The following CDC73 variants were observed in gnomAD, a reference collection of about 807,000 sequenced individuals.
CDC73 encodes cell division cycle 73, also known as parafibromin.
In CDC73, 21 loss-of-function variants were observed where a neutral mutation model predicts 83.7. The ratio of observed to expected loss-of-function variants is 0.25; its 90% CI spans 0.18 to 0.36. CDC73 has a LOEUF of 0.36. CDC73 is among the 10% of genes least tolerant of loss of function. The pLI, the probability that CDC73 is intolerant of heterozygous loss-of-function variation, is 1.00. For missense variants in CDC73, 342 were observed against 653.3 expected (o/e 0.52, Z 5.19); for synonymous variants, 224 against 212.9 (o/e 1.05, Z -0.45).
intron 15 of CDC73, among the ~76,000 whole-genome samples, chr1:193,242,896 C>T (rs1677886561): frequency 6.6e-6 from 1 of 151,710 alleles, no homozygotes; most frequent in Admixed American, 6.6e-5. Flanking sequence ...ATTCATTGTG[C>T]TGCGGTAAAA....
intron 10 of CDC73, among the ~76,000 whole-genome samples, chr1:193,177,898 G>A (rs937241695): frequency 6.6e-6 from 1 of 152,132 alleles, no homozygotes; most frequent in Non-Finnish European, 1.5e-5. Flanking sequence ...AAATAAATAA[G>A]TATTCTAAGT....
intron 10 of CDC73, among the ~76,000 whole-genome samples, chr1:193,173,012 TC>T (rs1350785106): frequency 2.0e-5 from 3 of 152,302 alleles, no homozygotes; most frequent in Admixed American, 1.3e-4. Context: ...CTTGCAGTCT[TC>T]CTGAGCACAG....
chr1:193,163,366 G>A (rs1023006216), intron 10 of CDC73, among the ~76,000 whole-genome samples: 2 of 151,894 alleles, frequency 1.3e-5, no homozygotes, highest in Admixed American at 6.6e-5. Flanking sequence ...AATTAGCCGA[G>A]CGTAGTGGTA....
At chr1:193,148,457 C>T (rs894937390) in intron 8 of CDC73, among the ~76,000 whole-genome samples, 2 of 151,858 alleles carry the variant, frequency 1.3e-5, no homozygotes, top group African/African-American at 4.8e-5. Flanking sequence ...CACTTAAGAC[C>T]CTCCCAAAGT....
intron 10 of CDC73, among the ~76,000 whole-genome samples, chr1:193,159,230 T>C (rs1676265329): frequency 6.6e-6 from 1 of 152,210 alleles, no homozygotes; most frequent in African/African-American, 2.4e-5. Context: ...TTGGCCTGTT[T>C]GTTACAGCAA....
intron 13 of CDC73, among the ~76,000 whole-genome samples, chr1:193,214,575 C>T (rs541907380): frequency 2.0e-5 from 3 of 152,072 alleles, no homozygotes; most frequent in South Asian, 2.1e-4. Context: ...AAAAATTAGC[C>T]GGGCATGGTG....
chr1:193,166,670 A>T (rs1676440155), intron 10 of CDC73, among the ~76,000 whole-genome samples: 1 of 146,022 alleles, frequency 6.8e-6, no homozygotes, highest in African/African-American at 2.5e-5. Flanking sequence ...TTTTTTTGAG[A>T]CCGAGTTTTG....
Position 193,123,519 on chromosome 1 carries a change from G to A in CDC73, c.131+1188G>A, listed in dbSNP as rs75522875. 1.3e-3 allele frequency among the ~76,000 whole-genome samples: 196 copies of A among 152,284 alleles called. 4 individuals carry two copies. In the East Asian group the frequency reaches 0.035, roughly 27 times the overall value. ...TTGGATTACAGGCGTGAGCCACGGC[G>A]CCCTGCCTATTGGTTGGTTTTAAAA... On this transcript the variant is annotated intron_variant, in intron 1 of 16. Coordinates refer to ENST00000367435, the MANE Select transcript of CDC73 (RefSeq NM_024529.5).
chr1:193,122,667 A>G, intron 1 of CDC73: 1 of 248,848 alleles, frequency 4.0e-6, no homozygotes, highest in Non-Finnish European at 8.0e-6. Flanking sequence ...TAGGTGCACA[A>G]AGGAGCACAC....
chr1:193,207,772 A>G (rs760301383), intron 11 of CDC73, among the ~76,000 whole-genome samples: 13 of 152,182 alleles, frequency 8.5e-5, no homozygotes, highest in African/African-American at 1.7e-4. Context: ...TTTACAATCA[A>G]TTTGTACAAT....
At chr1:193,215,258 A>G (rs1294208502) in intron 13 of CDC73, among the ~76,000 whole-genome samples, 3 of 152,232 alleles carry the variant, frequency 2.0e-5, no homozygotes, top group Non-Finnish European at 4.4e-5. Flanking sequence ...GATTTTTCAT[A>G]GTATATAAAC....
intron 15 of CDC73, among the ~76,000 whole-genome samples, chr1:193,244,070 A>G (rs1296264720): frequency 2.0e-5 from 3 of 152,206 alleles, no homozygotes; most frequent in Admixed American, 1.3e-4. Flanking sequence ...AATTGGGGGG[A>G]AAAAGCTTAA....
intron 10 of CDC73, among the ~76,000 whole-genome samples, chr1:193,173,145 G>C (rs2103151437): frequency 6.6e-6 from 1 of 152,296 alleles, no homozygotes; most frequent in African/African-American, 2.4e-5. Flanking sequence ...TCTGCAGGTT[G>C]TGCTTTTTTG....
At chr1:193,220,669 T>C (rs547289913) in intron 13 of CDC73, among the ~76,000 whole-genome samples, 2 of 152,254 alleles carry the variant, frequency 1.3e-5, no homozygotes, top group South Asian at 4.1e-4. Context: ...TTTTAAAAAA[T>C]TTTTAGTACT....
intron 10 of CDC73, among the ~76,000 whole-genome samples, chr1:193,184,744 T>G (rs1357774990): frequency 1.3e-5 from 2 of 151,956 alleles, no homozygotes; most frequent in African/African-American, 4.8e-5. Context: ...CAACCATATT[T>G]TTTAGTACTA....
chr1:193,253,600 C>G lies in CDC73; in HGVS notation c.*2888C>G, dbSNP rs901293519. The G allele has an allele frequency of 3.9e-5, 9 of 230,738 alleles. No individual in the cohort carries two copies. Among genetic ancestry groups the G allele is most frequent in the African/African-American group, 2.0e-4 (9 of 44,988 alleles). The allele number at this position is 230,738 out of a possible 1,614,324, so 14.3% of individuals were successfully genotyped here. On this transcript the variant is annotated 3_prime_UTR_variant, in exon 17 of 17. Coordinates refer to ENST00000367435, the MANE Select transcript of CDC73 (RefSeq NM_024529.5). ...ACTAGTATTATAGTTTGTTTTTTTCCCATGTCTCCATAACTTTTACTAACA... is the reference window on the plus strand; with the variant it reads ...ACTAGTATTATAGTTTGTTTTTTTCGCATGTCTCCATAACTTTTACTAACA...
chr1:193,210,866 A>G (rs1286734013), intron 11 of CDC73, among the ~76,000 whole-genome samples: 1 of 152,214 alleles, frequency 6.6e-6, no homozygotes, highest in Non-Finnish European at 1.5e-5. Context: ...AAGAGACAAG[A>G]AACAATTTTT....
chr1:193,194,869 T>C (rs989745295), intron 10 of CDC73, among the ~76,000 whole-genome samples: 2 of 152,156 alleles, frequency 1.3e-5, no homozygotes, highest in African/African-American at 4.8e-5. Flanking sequence ...TCTAGAGAAA[T>C]GAAGCCAATA....
intron 15 of CDC73, among the ~76,000 whole-genome samples, chr1:193,243,542 T>A (rs2102068361): frequency 6.6e-6 from 1 of 152,310 alleles, no homozygotes; most frequent in Non-Finnish European, 1.5e-5. Context: ...AGTTTGATCA[T>A]TTTAAAAAAT....
Sources: gnomAD v4.1 joint callset for allele counts (sites outside exome capture counted in the v4.1 genomes callset) on GRCh38, gnomAD v4.1.1 for gene constraint, MANE v1.5 for transcripts, NCBI Gene and HGNC (gene_info 2026-07-23, HGNC 2026-07-21) for gene names.